GRIK2: variants seen among roughly 807,000 people sequenced by gnomAD.
GRIK2 encodes the protein glutamate ionotropic receptor kainate type subunit 2, also known as glutamate receptor ionotropic, kainate 2.
Under a neutral mutation model 100.3 loss-of-function variants are expected in GRIK2, and 32 were observed. The observed-to-expected ratio is 0.32, with a 90% CI of 0.24 to 0.43. GRIK2 has a LOEUF of 0.43. Ranked by LOEUF, GRIK2 falls within the 20% of genes least tolerant of loss-of-function variation. GRIK2 has a pLI of 1.00. For synonymous variants in GRIK2, 417 were observed against 389.4 expected (o/e 1.07, Z -0.83); for missense variants, 843 against 1,114.9 (o/e 0.76, Z 3.47).
chr6:101,395,973 T>A (rs1364995130), intron 1 of GRIK2, among the ~76,000 whole-genome samples: 1 of 152,182 alleles, frequency 6.6e-6, no homozygotes, highest in South Asian at 2.1e-4. Flanking sequence ...ACTAAGTATA[T>A]ATAATTGCCT....
intron 2 of GRIK2, among the ~76,000 whole-genome samples, chr6:101,551,816 A>G (rs946649776): frequency 1.3e-5 from 2 of 152,170 alleles, no homozygotes; most frequent in African/African-American, 4.8e-5. Context: ...ATCTTGTCAC[A>G]AAAGCCAAAC....
At chr6:101,916,379 G>T in intron 12 of GRIK2, among the ~76,000 whole-genome samples, 1 of 151,388 alleles carries the variant, frequency 6.6e-6, no homozygotes, top group East Asian at 1.9e-4. Flanking sequence ...CAGTGTGCAT[G>T]ATTTGGTTCT....
intron 2 of GRIK2, among the ~76,000 whole-genome samples, chr6:101,409,953 A>T (rs1193867274): frequency 1.3e-5 from 2 of 152,064 alleles, no homozygotes; most frequent in African/African-American, 4.8e-5. Flanking sequence ...ATATACCTCA[A>T]TTATTACAAA....
chr6:101,404,743 A>G (rs1775508079), intron 2 of GRIK2, among the ~76,000 whole-genome samples: 1 of 152,206 alleles, frequency 6.6e-6, no homozygotes, highest in Non-Finnish European at 1.5e-5. Flanking sequence ...TTTAGCTTCA[A>G]AGGGCTTTCA....
chr6:101,582,004 C>A (rs1778123268), intron 2 of GRIK2, among the ~76,000 whole-genome samples: 1 of 151,942 alleles, frequency 6.6e-6, no homozygotes, highest in South Asian at 2.1e-4. Context: ...GGATGCTTTT[C>A]CCCCATACTG....
intron 7 of GRIK2, among the ~76,000 whole-genome samples, chr6:101,796,430 A>G (rs1780308605): frequency 6.6e-6 from 1 of 152,232 alleles, no homozygotes; most frequent in African/African-American, 2.4e-5. Context: ...GAATTTTCAC[A>G]CGGTTTTTCA....
intron 2 of GRIK2, among the ~76,000 whole-genome samples, chr6:101,573,126 G>T (rs1317730509): frequency 6.6e-6 from 1 of 152,024 alleles, no homozygotes; most frequent in Non-Finnish European, 1.5e-5. Context: ...AATTACAGGG[G>T]TGAGCCACCA....
chr6:101,715,531 G>C (rs1254608166), intron 7 of GRIK2, among the ~76,000 whole-genome samples: 1 of 151,724 alleles, frequency 6.6e-6, no homozygotes, highest in Non-Finnish European at 1.5e-5. Context: ...CAGTATTTTA[G>C]TTTGGTCTAC....
At chr6:101,983,522 C>CTAAT (rs1388839416) in intron 14 of GRIK2, among the ~76,000 whole-genome samples, 2 of 151,740 alleles carry the variant, frequency 1.3e-5, no homozygotes, top group Non-Finnish European at 2.9e-5. Flanking sequence ...TACAAACACA[C>CTAAT]TAATACATGT....
chr6:101,907,135 A>G (rs1788286524), intron 12 of GRIK2, among the ~76,000 whole-genome samples: 1 of 151,728 alleles, frequency 6.6e-6, no homozygotes, highest in African/African-American at 2.4e-5. Flanking sequence ...CATGTTAAGG[A>G]ATATATATTA....
intron 7 of GRIK2, among the ~76,000 whole-genome samples, chr6:101,737,654 C>A (rs1228082111): frequency 6.6e-6 from 1 of 152,114 alleles, no homozygotes; most frequent in African/African-American, 2.4e-5. Flanking sequence ...GGACACAGAT[C>A]CAAACAATAT....
intron 14 of GRIK2, among the ~76,000 whole-genome samples, chr6:101,950,399 A>T (rs1791537797): frequency 6.6e-6 from 1 of 152,206 alleles, no homozygotes; most frequent in Admixed American, 6.5e-5. Context: ...AAAACTTGAA[A>T]GCAGGCCTAC....
chr6:101,816,272 A>C (rs1781624135), intron 9 of GRIK2, among the ~76,000 whole-genome samples: 1 of 152,180 alleles, frequency 6.6e-6, no homozygotes, highest in East Asian at 1.9e-4. Context: ...AAGGGAACAA[A>C]TGCATGATAG....
At chr6:101,883,589 G>A (rs1786415459) in intron 11 of GRIK2, among the ~76,000 whole-genome samples, 2 of 152,016 alleles carry the variant, frequency 1.3e-5, no homozygotes, top group Admixed American at 6.6e-5. Flanking sequence ...TAGAATGAGT[G>A]TTCAGGAAAG....
At chr6:101,422,708 T>A (rs1449511731) in intron 2 of GRIK2, among the ~76,000 whole-genome samples, 2 of 152,112 alleles carry the variant, frequency 1.3e-5, no homozygotes, top group African/African-American at 4.8e-5. Context: ...GAGACACTTT[T>A]GAATATAAAT....
chr6:101,843,304 T>C (rs1462827985), intron 10 of GRIK2, among the ~76,000 whole-genome samples: 3 of 152,174 alleles, frequency 2.0e-5, no homozygotes, highest in Non-Finnish European at 4.4e-5. Flanking sequence ...TAAAGATTTT[T>C]CCTAACTTAG....
intron 14 of GRIK2, among the ~76,000 whole-genome samples, chr6:102,014,966 T>C (rs1041986579): frequency 1.3e-5 from 2 of 152,138 alleles, no homozygotes; most frequent in African/African-American, 2.4e-5. Context: ...GGTCAACTGC[T>C]GAATATCTTT....
intron 9 of GRIK2, among the ~76,000 whole-genome samples, 183 bp from the exon 10 acceptor site, chr6:101,818,187 C>T (rs1413966255): frequency 6.6e-6 from 1 of 152,146 alleles, no homozygotes; most frequent in Non-Finnish European, 1.5e-5. Flanking sequence ...TTTAATGTTA[C>T]ACTTCACTGA....
chr6:102,004,521 C>T (rs1795112019), intron 14 of GRIK2, among the ~76,000 whole-genome samples: 1 of 151,960 alleles, frequency 6.6e-6, no homozygotes, highest in Non-Finnish European at 1.5e-5. Context: ...TTCTATACCT[C>T]CACTTAAGGC....
Sources: gnomAD v4.1 joint callset for allele counts (sites outside exome capture counted in the v4.1 genomes callset) on GRCh38, gnomAD v4.1.1 for gene constraint, MANE v1.5 for transcripts, NCBI Gene and HGNC (gene_info 2026-07-23, HGNC 2026-07-21) for gene names.